ITPR1: variants seen among roughly 807,000 people sequenced by gnomAD.
The protein encoded by ITPR1 is inositol 1,4,5-trisphosphate receptor type 1, also known as inositol 1,4,5-trisphosphate-gated calcium channel ITPR1.
In ITPR1, 96 loss-of-function variants were observed where a neutral mutation model predicts 318.4. The observed-to-expected ratio is 0.30, with a 90% CI of 0.26 to 0.36. The LOEUF is 0.36. Ranked by LOEUF, ITPR1 falls within the 10% of genes least tolerant of loss-of-function variation. The probability of loss-of-function intolerance (pLI) is 1.00; values close to 1 mark genes in which losing one functional copy is unlikely to be tolerated. For missense variants in ITPR1, 2,440 were observed against 3,460.2 expected (o/e 0.71, Z 7.40); for synonymous variants, 1,312 against 1,289.9 (o/e 1.02, Z -0.37).
At chr3:4,831,567 C>T (rs1218561650) in intron 60 of ITPR1, among the ~76,000 whole-genome samples, 9 of 152,152 alleles carry the variant, frequency 5.9e-5, no homozygotes, top group Admixed American at 5.2e-4. Context: ...CCCTCCCAAC[C>T]GCATATACAC....
intron 13 of ITPR1, among the ~76,000 whole-genome samples, chr3:4,659,573 G>T (rs1209506064): frequency 1.3e-5 from 2 of 152,020 alleles, no homozygotes; most frequent in Middle Eastern, 3.2e-3. Context: ...TGTAGTCCCA[G>T]CTACTTTGAA....
rs1219468820 is a variant in ITPR1, at chr3:4,516,728, G to A, written c.92+145G>A. The A allele has an allele frequency of 1.5e-5, 10 of 650,844 alleles. No individual in the cohort carries two copies. The Middle Eastern group carries it at 9.7e-4, about 63-fold the overall frequency. The allele number at this position is 650,844 out of a possible 1,614,324, so 40.3% of individuals were successfully genotyped here. On this transcript the variant is annotated intron_variant, in intron 3 of 61. Coordinates refer to ENST00000649015, the MANE Select transcript of ITPR1 (RefSeq NM_001378452.1). Reference sequence around the variant, plus strand: ...TGAAATCACAAACACCAAATCTCATGTTAGCCAAGTTTAACCTCTTATACA... The same window carrying A: ...TGAAATCACAAACACCAAATCTCATATTAGCCAAGTTTAACCTCTTATACA...
chr3:4,590,492 G>C (rs1415893576), intron 4 of ITPR1, among the ~76,000 whole-genome samples: 1 of 150,602 alleles, frequency 6.6e-6, no homozygotes, highest in African/African-American at 2.4e-5. Context: ...TAAACGGTCA[G>C]TCTGGTCTTC....
chr3:4,681,425 A>T lies in ITPR1; in HGVS notation c.3161+7A>T, dbSNP rs768091846. The T allele has an allele frequency of 1.2e-5, 20 of 1,602,234 alleles. No homozygotes were observed. The highest frequency in any genetic ancestry group is 1.7e-6 in the Non-Finnish European group (2 of 1,169,448). ...AAGGCATCTTTGGAGGAAGGAAAGT[A>T]TATTTTCAGTTACTGTTTTGTAGGG... is the stretch of plus-strand genomic sequence containing the variant. On this transcript the variant is annotated splice_region_variant and intron_variant, in intron 26 of 61. Transcript: ENST00000649015.
intron 12 of ITPR1, among the ~76,000 whole-genome samples, chr3:4,654,526 A>ATAAT (rs2093662936): frequency 6.6e-6 from 1 of 152,232 alleles, no homozygotes; most frequent in Non-Finnish European, 1.5e-5. Context: ...TGAAGAAGGC[A>ATAAT]GCGGTTGTGT....
chr3:4,604,843 G>A lies in ITPR1; in HGVS notation c.164-22920G>A, dbSNP rs141545972. Among the ~76,000 whole-genome samples, 63 of 152,266 alleles carry A rather than the reference G, an allele frequency of 4.1e-4. 1 individual carries two copies. The East Asian group carries it at 0.011, about 26-fold the overall frequency. On this transcript the variant is annotated intron_variant, in intron 4 of 61. Coordinates refer to ENST00000649015, the MANE Select transcript of ITPR1 (RefSeq NM_001378452.1). The stretch of plus-strand genomic sequence containing the variant: ...AAAATGCCTATGGAAATGCCAGCAA[G>A]AACAGATGGACAGCATCGTGAGTCC...
chr3:4,575,384 A>G (rs1575583599), intron 4 of ITPR1, among the ~76,000 whole-genome samples: 2 of 152,336 alleles, frequency 1.3e-5, no homozygotes, highest in African/African-American at 2.4e-5. Context: ...TTCAATCCTG[A>G]TTCTGTGGTA....
chr3:4,663,310 G>T (rs994509209), intron 16 of ITPR1, 104 bp downstream of exon 16: 28 of 1,074,776 alleles, frequency 2.6e-5, no homozygotes, highest in Non-Finnish European at 3.7e-5. Flanking sequence ...GCCGAGGTGG[G>T]AGGATCCCCT....
chr3:4,616,462 A>T (rs889074463), intron 4 of ITPR1, among the ~76,000 whole-genome samples: 1 of 152,236 alleles, frequency 6.6e-6, no homozygotes, highest in East Asian at 1.9e-4. Flanking sequence ...TGAAATTTTT[A>T]TTCTCTTTCC....
chr3:4,661,154 A>C, intron 14 of ITPR1, 67 bp downstream of exon 14: 1 of 906,386 alleles, frequency 1.1e-6, no homozygotes, highest in Non-Finnish European at 1.8e-6. Context: ...TCCTTTGAGG[A>C]CAGATCAGGG....
intron 4 of ITPR1, among the ~76,000 whole-genome samples, chr3:4,526,831 G>A (rs2083019229): frequency 6.6e-6 from 1 of 152,200 alleles, no homozygotes; most frequent in South Asian, 2.1e-4. Flanking sequence ...TGTACTCCAT[G>A]AGGAAAGAGA....
At chr3:4,650,179 C>T (rs2093560881) in intron 10 of ITPR1, among the ~76,000 whole-genome samples, 1 of 152,216 alleles carries the variant, frequency 6.6e-6, no homozygotes, top group Non-Finnish European at 1.5e-5. Context: ...AATAAGTCAT[C>T]TGCTGCTATG....
chr3:4,617,665 T>C (rs984431795), intron 4 of ITPR1, among the ~76,000 whole-genome samples: 9 of 152,042 alleles, frequency 5.9e-5, no homozygotes, highest in African/African-American at 1.9e-4. Flanking sequence ...TGAACACCAA[T>C]TGAGTACCAA....
chr3:4,822,150 C>T (rs2106511384), intron 60 of ITPR1, among the ~76,000 whole-genome samples: 1 of 152,306 alleles, frequency 6.6e-6, no homozygotes, highest in East Asian at 1.9e-4. Flanking sequence ...CCTACCGCCT[C>T]ACACATCCGT....
At chr3:4,677,552 T>C (rs4684433) in intron 24 of ITPR1, among the ~76,000 whole-genome samples, 53,045 of 151,866 alleles carry the variant, frequency 0.35, 9,865 homozygotes, top group East Asian at 0.71. Context: ...AAAGACCCCA[T>C]GGTGAAGAGG....
chr3:4,575,337 G>C (rs2088524361), intron 4 of ITPR1, among the ~76,000 whole-genome samples: 1 of 152,182 alleles, frequency 6.6e-6, no homozygotes, highest in Non-Finnish European at 1.5e-5. Context: ...CCTCCATATA[G>C]AATAAGGATT....
At position 4,691,212 on chromosome 3, in the gene ITPR1, G is replaced by A. The variant is rs750929368; in HGVS notation, c.3897G>A (p.Glu1299=). Residue 1299 remains glutamate, a synonymous_variant, in exon 32 of 62, where the codon GAG becomes GAA. Coordinates refer to ENST00000649015, the MANE Select transcript of ITPR1 (RefSeq NM_001378452.1). Reference sequence around the variant, plus strand: ...TCCAGCTTTGCAGTGAGATCAACGAGAGAGTTGTTCAGCACTTCGTTCACT... The same window carrying A: ...TCCAGCTTTGCAGTGAGATCAACGAAAGAGTTGTTCAGCACTTCGTTCACT... ...NNFQLCSEIN[E]RVVQHFVHCI... 5 of 1,613,246 alleles carry A rather than the reference G, an allele frequency of 3.1e-6. No homozygotes were observed. In the African/African-American group the frequency reaches 5.3e-5, roughly 17 times the overall value.
intron 60 of ITPR1, among the ~76,000 whole-genome samples, chr3:4,829,209 C>T (rs965869605): frequency 6.6e-6 from 1 of 152,210 alleles, no homozygotes; most frequent in East Asian, 1.9e-4. Context: ...CTGACTTATA[C>T]ACTCATTCAC....
At chr3:4,772,347 C>A (rs2046239711) in intron 46 of ITPR1, among the ~76,000 whole-genome samples, 1 of 152,230 alleles carries the variant, frequency 6.6e-6, no homozygotes, top group Non-Finnish European at 1.5e-5. Context: ...TGGGCTCGTG[C>A]CCGGAGTTGC....
Sources: allele counts gnomAD v4.1 joint callset (sites outside exome capture counted in the v4.1 genomes callset), GRCh38; gene constraint gnomAD v4.1.1; transcripts MANE v1.5; gene names NCBI Gene and HGNC (gene_info 2026-07-23, HGNC 2026-07-21).